Variants in CADM2 observed in about 807,000 individuals in gnomAD.
The protein encoded by CADM2 is immunoglobulin superfamily member 4D.
In CADM2, 12 loss-of-function variants were observed where a neutral mutation model predicts 49.8. The ratio of observed to expected loss-of-function variants is 0.24; its 90% confidence interval spans 0.15 to 0.39. The LOEUF (loss-of-function observed/expected upper bound fraction) is 0.39. Among genes scored for constraint, CADM2 ranks in the 10% least tolerant of loss-of-function variants. The probability of loss-of-function intolerance (pLI) is 1.00; values close to 1 mark genes in which losing one functional copy is unlikely to be tolerated. For missense variants in CADM2, 378 were observed against 492.3 expected (o/e 0.77, Z 2.20); for synonymous variants, 214 against 175.4 (o/e 1.22, Z -1.74).
intron 3 of CADM2, among the ~76,000 whole-genome samples, chr3:85,841,016 T>A (rs2074615036): frequency 6.6e-6 from 1 of 151,762 alleles, no homozygotes; most frequent in African/African-American, 2.4e-5. Context: ...ATATTATAAC[T>A]CACTTTATAA....
chr3:85,913,064 A>G (rs944401296), intron 6 of CADM2, among the ~76,000 whole-genome samples: 6 of 152,172 alleles, frequency 3.9e-5, no homozygotes, highest in Admixed American at 1.3e-4. Context: ...TAATTTTGTG[A>G]ATCTAATAGA....
chr3:86,071,999 T>G lies in CADM2; in HGVS notation c.*5216T>G. The G allele has an allele frequency of 1.1e-5, 1 of 89,390 alleles. No homozygotes were observed. Among genetic ancestry groups the G allele is most frequent in the East Asian group, 3.2e-4 (1 of 3,124 alleles). 5.5% of individuals were successfully genotyped at this position (89,390 alleles called of 1,614,324 possible). On this transcript the variant is annotated 3_prime_UTR_variant, in exon 10 of 10. Transcript: ENST00000383699. ...GTAGTATTATCTGCACGAGACAAATTTAAGTATTTTAAAAATCATCCTTAT... is the reference window on the plus strand; with the variant it reads ...GTAGTATTATCTGCACGAGACAAATGTAAGTATTTTAAAAATCATCCTTAT...
chr3:84,961,981 A>C (rs923244165), intron 1 of CADM2, among the ~76,000 whole-genome samples: 3 of 152,082 alleles, frequency 2.0e-5, no homozygotes, highest in African/African-American at 7.2e-5. Flanking sequence ...TTCCATCAGC[A>C]GCATTCAGGC....
intron 1 of CADM2, among the ~76,000 whole-genome samples, chr3:85,110,105 G>A (rs750094606): frequency 2.0e-5 from 3 of 151,972 alleles, no homozygotes; most frequent in South Asian, 2.1e-4. Context: ...AATTTCATCC[G>A]AAGCAGGGTG....
intron 1 of CADM2, among the ~76,000 whole-genome samples, chr3:85,167,216 A>T (rs547784026): frequency 6.6e-6 from 1 of 152,136 alleles, no homozygotes; most frequent in East Asian, 1.9e-4. Context: ...GGAGATTTAA[A>T]TGGTTTTCGC....
At chr3:85,956,747 T>C (rs1000520231) in intron 7 of CADM2, among the ~76,000 whole-genome samples, 4 of 151,474 alleles carry the variant, frequency 2.6e-5, no homozygotes, top group African/African-American at 9.7e-5. Context: ...GTAAACAATT[T>C]AAAAAGACAT....
At chr3:85,671,230 A>G (rs1284900177) in intron 1 of CADM2, among the ~76,000 whole-genome samples, 5 of 152,200 alleles carry the variant, frequency 3.3e-5, no homozygotes, top group African/African-American at 1.2e-4. Context: ...AGCAACACAA[A>G]TGAATCTCTG....
intron 1 of CADM2, among the ~76,000 whole-genome samples, chr3:85,589,016 A>T (rs948173277): frequency 1.3e-5 from 2 of 152,048 alleles, no homozygotes; most frequent in Non-Finnish European, 2.9e-5. Flanking sequence ...ACCACAGGGA[A>T]GGTCAAAGGC....
At chr3:86,057,160 G>T (rs1476892050) in intron 8 of CADM2, among the ~76,000 whole-genome samples, 2 of 152,134 alleles carry the variant, frequency 1.3e-5, no homozygotes, top group Non-Finnish European at 2.9e-5. Flanking sequence ...GATGGCCCTT[G>T]AGTAAGCGCA....
chr3:85,972,790 A>G (rs1435441920), intron 8 of CADM2, among the ~76,000 whole-genome samples: 2 of 151,812 alleles, frequency 1.3e-5, no homozygotes, highest in African/African-American at 2.4e-5. Context: ...CGCTTGTTGG[A>G]AGTGATTTCC....
chr3:85,177,036 C>G (rs573443456), intron 1 of CADM2, among the ~76,000 whole-genome samples: 1 of 152,140 alleles, frequency 6.6e-6, no homozygotes, highest in African/African-American at 2.4e-5. Flanking sequence ...TGAGCTCACT[C>G]CCTATCCATA....
chr3:85,902,932 T>C (rs975050495), intron 5 of CADM2, among the ~76,000 whole-genome samples: 14 of 151,900 alleles, frequency 9.2e-5, no homozygotes, highest in Admixed American at 1.3e-4. Flanking sequence ...TATTACTTCA[T>C]ATAGTGTTAT....
At chr3:85,311,560 T>G (rs2107050965) in intron 1 of CADM2, among the ~76,000 whole-genome samples, 2 of 151,970 alleles carry the variant, frequency 1.3e-5, no homozygotes, top group South Asian at 4.2e-4. Flanking sequence ...TTTTGTTTAG[T>G]AGAAACGGGG....
intron 5 of CADM2, among the ~76,000 whole-genome samples, chr3:85,898,953 A>ATTTTTTTTTTT (rs1415627325): frequency 4.7e-5 from 2 of 42,800 alleles, no homozygotes; most frequent in East Asian, 1.0e-3. Context: ...ATATATATAT[A>ATTTTTTTTTTT]TATTTTTTTT....
intron 6 of CADM2, among the ~76,000 whole-genome samples, chr3:85,927,131 C>T (rs181965688): frequency 5.3e-4 from 80 of 152,174 alleles, no homozygotes; most frequent in African/African-American, 1.9e-3. Flanking sequence ...TATTATTTAC[C>T]AAGTATTTGA....
At chr3:86,013,415 A>T in intron 8 of CADM2, 1 of 1,554,678 alleles carries the variant, frequency 6.4e-7, no homozygotes, top group Non-Finnish European at 8.8e-7. Flanking sequence ...AAGAAATCCC[A>T]GAAGGTCTCT....
At chr3:85,845,716 G>A (rs550252468) in intron 3 of CADM2, among the ~76,000 whole-genome samples, 9 of 152,224 alleles carry the variant, frequency 5.9e-5, no homozygotes, top group African/African-American at 1.9e-4. Context: ...TGGGCCTCAA[G>A]GCTATCATTA....
chr3:85,757,836 A>T (rs1421506604), intron 2 of CADM2, among the ~76,000 whole-genome samples: 2 of 152,248 alleles, frequency 1.3e-5, no homozygotes, highest in East Asian at 3.9e-4. Context: ...ATCTTTAATG[A>T]TTGACATTCA....
intron 1 of CADM2, among the ~76,000 whole-genome samples, chr3:85,667,733 A>G (rs893938459): frequency 2.0e-5 from 3 of 152,050 alleles, no homozygotes; most frequent in African/African-American, 7.2e-5. Flanking sequence ...TCAATTCAGG[A>G]CAGGCAAAAG....
Sources: gnomAD v4.1 joint callset for allele counts (sites outside exome capture counted in the v4.1 genomes callset) on GRCh38, gnomAD v4.1.1 for gene constraint, MANE v1.5 for transcripts, NCBI Gene and HGNC (gene_info 2026-07-23, HGNC 2026-07-21) for gene names.